Variants in SSPN observed in about 807,000 individuals in gnomAD.
SSPN encodes sarcospan, also known as K-ras oncogene-associated protein.
In SSPN, 15 loss-of-function variants were observed where a neutral mutation model predicts 19.1. That is an observed-to-expected ratio of 0.78 (90% CI 0.52 to 1.21). The LOEUF (loss-of-function observed/expected upper bound fraction) is 1.21. Ranked by LOEUF, SSPN falls within the 50% of genes most tolerant of loss-of-function variation. The pLI is 0.00. For missense variants in SSPN, 291 were observed against 314.0 expected, an observed-to-expected ratio of 0.93 and a Z score of 0.55; for synonymous variants, 147 against 140.3, an observed-to-expected ratio of 1.05 and a Z score of -0.34.
At position 26,195,723 on chromosome 12, in the gene SSPN, G is replaced by T; in HGVS notation, c.51G>T (p.Pro17=). 8.3e-7 allele frequency: 1 copy of T among 1,197,874 alleles called. No individual in the cohort carries two copies. Among genetic ancestry groups the T allele is most frequent in the Non-Finnish European group, 1.0e-6 (1 of 955,898 alleles). The allele number at this position is 1,197,874 out of a possible 1,614,324, so 74.2% of individuals were successfully genotyped here. Residue 17 remains proline (P), a synonymous_variant, in exon 1 of 3, where the codon CCG becomes CCT. Transcript: ENST00000242729. ...PRGQQRQGGP[P]AADAAGPDDM... Reference sequence around the variant, plus strand: ...GCCAGCAGAGGCAGGGGGGCCCGCCGGCCGCGGACGCCGCTGGGCCCGACG... The same window carrying T: ...GCCAGCAGAGGCAGGGGGGCCCGCCTGCCGCGGACGCCGCTGGGCCCGACG...
At chr12:26,149,104 G>A (rs894215551) in intron 1 of SSPN, among the ~76,000 whole-genome samples, 2 of 152,142 alleles carry the variant, frequency 1.3e-5, no homozygotes, top group Non-Finnish European at 2.9e-5. Flanking sequence ...CTGTAAATTG[G>A]TGAATACAGA....
At chr12:26,160,906 G>A (rs999371802) in intron 1 of SSPN, among the ~76,000 whole-genome samples, 10 of 151,918 alleles carry the variant, frequency 6.6e-5, no homozygotes, top group African/African-American at 2.2e-4. Flanking sequence ...TCAGGAGTTC[G>A]AGACCAGCCT....
Position 26,230,923 on chromosome 12 carries a change from G to C in SSPN, c.579G>C (p.Leu193=), listed in dbSNP as rs752293446. ...DCTSVTGTFK[L]FLLIQMILNL... Reference sequence around the variant, plus strand: ...CCAGCGTCACTGGCACTTTCAAACTGTTCTTACTCATCCAGATGATTCTTA... The same window carrying C: ...CCAGCGTCACTGGCACTTTCAAACTCTTCTTACTCATCCAGATGATTCTTA... Residue 193 remains leucine (L), a synonymous_variant, in exon 3 of 3, where the codon CTG becomes CTC. Transcript: ENST00000242729. The C allele has an allele frequency of 6.2e-6, 10 of 1,614,036 alleles. No individual in the cohort carries two copies. The highest frequency in any genetic ancestry group is 8.5e-6 in the Non-Finnish European group (10 of 1,180,042).
At chr12:26,223,859 G>A (rs529983082) in intron 1 of SSPN, among the ~76,000 whole-genome samples, 5 of 152,278 alleles carry the variant, frequency 3.3e-5, no homozygotes, top group East Asian at 3.9e-4. Flanking sequence ...TTTCAAATCC[G>A]TGTCGTAATG....
chr12:26,147,472 T>C (rs572286848), intron 1 of SSPN, among the ~76,000 whole-genome samples: 10 of 152,314 alleles, frequency 6.6e-5, no homozygotes, highest in Admixed American at 2.0e-4. Context: ...GGTTTTACCA[T>C]GTTGGCCAGG....
chr12:26,182,579 TTCCCCTTCCCTTCCCTTCCCTTCCC>T (rs1944725360), intron 1 of SSPN, among the ~76,000 whole-genome samples: 1 of 124,338 alleles, frequency 8.0e-6, no homozygotes, highest in Admixed American at 8.0e-5. Context: ...CCCCTTCCCC[TTCCCCTTCCCTTCCCTTCCCTTCCC>T]TTCCCTTCCC....
At chr12:26,202,209 TTTTTTATCCAAATG>T (rs1944892435) in intron 1 of SSPN, among the ~76,000 whole-genome samples, 1 of 152,188 alleles carries the variant, frequency 6.6e-6, no homozygotes, top group African/African-American at 2.4e-5. Context: ...CAACCATCCT[TTTTTTATCCAAATG>T]TTTTTGATCC....
At chr12:26,182,276 T>C (rs572694063) in intron 1 of SSPN, among the ~76,000 whole-genome samples, 1 of 152,202 alleles carries the variant, frequency 6.6e-6, no homozygotes, top group Non-Finnish European at 1.5e-5. Context: ...GGGGAGTGGA[T>C]AACAGAAGAT....
chr12:26,226,550 G>C (rs562769267), intron 2 of SSPN, among the ~76,000 whole-genome samples: 2 of 152,166 alleles, frequency 1.3e-5, no homozygotes, highest in South Asian at 4.2e-4. Flanking sequence ...TCGGGGATTG[G>C]GGGTAGGGTC....
At chr12:26,149,808 A>T (rs1944514190) in intron 1 of SSPN, among the ~76,000 whole-genome samples, 1 of 152,254 alleles carries the variant, frequency 6.6e-6, no homozygotes, top group Non-Finnish European at 1.5e-5. Context: ...ACATATGTAG[A>T]TTAGCACACA....
At chr12:26,208,599 TC>T (rs771371699) in intron 1 of SSPN, among the ~76,000 whole-genome samples, 5 of 152,186 alleles carry the variant, frequency 3.3e-5, no homozygotes, top group South Asian at 2.1e-4. Context: ...ATTTATCAGT[TC>T]TTTTTTTTAT....
chr12:26,200,403 C>T (rs1389186683), intron 1 of SSPN, among the ~76,000 whole-genome samples: 1 of 152,006 alleles, frequency 6.6e-6, no homozygotes, highest in Non-Finnish European at 1.5e-5. Flanking sequence ...TTTTAAAAAC[C>T]GATTTTAAGT....
intron 1 of SSPN, among the ~76,000 whole-genome samples, chr12:26,212,996 C>T (rs1945007247): frequency 1.3e-5 from 2 of 151,840 alleles, no homozygotes; most frequent in East Asian, 1.9e-4. Flanking sequence ...TTTATATTTG[C>T]GCCCCTATTA....
chr12:26,231,204 T>G lies in SSPN; in HGVS notation c.*128T>G. 1 of 1,272,888 alleles carries G rather than the reference T, an allele frequency of 7.9e-7. No individual in the cohort carries two copies. Among genetic ancestry groups the G allele is most frequent in the Non-Finnish European group, 1.0e-6 (1 of 965,908 alleles). The allele number at this position is 1,272,888 out of a possible 1,614,324, so 78.8% of individuals were successfully genotyped here. On this transcript the variant is annotated 3_prime_UTR_variant, in exon 3 of 3. Coordinates refer to ENST00000242729, the MANE Select transcript of SSPN (RefSeq NM_005086.5). Reference sequence around the variant, plus strand: ...AAGTCACTCTTCTAATTGAATATTTTTATATTTTTATGAAACAAAAGAGCA... The same window carrying G: ...AAGTCACTCTTCTAATTGAATATTTGTATATTTTTATGAAACAAAAGAGCA...
At chr12:26,169,523 G>A (rs1944641714) in intron 1 of SSPN, among the ~76,000 whole-genome samples, 1 of 151,988 alleles carries the variant, frequency 6.6e-6, no homozygotes, top group Non-Finnish European at 1.5e-5. Context: ...CTGAGAAAGA[G>A]TTTTCTAAAT....
intron 2 of SSPN, among the ~76,000 whole-genome samples, chr12:26,228,553 C>G (rs1390671841): frequency 6.6e-6 from 1 of 151,920 alleles, no homozygotes; most frequent in African/African-American, 2.4e-5. Context: ...ATCACTTTAA[C>G]CTGGGCCTTC....
chr12:26,216,712 A>G (rs1355686863), intron 1 of SSPN, among the ~76,000 whole-genome samples: 1 of 116,396 alleles, frequency 8.6e-6, no homozygotes, highest in East Asian at 2.4e-4. Flanking sequence ...TTTTAGGTCT[A>G]ACATTTAAGT....
chr12:26,221,441 T>C (rs555750160), intron 1 of SSPN, among the ~76,000 whole-genome samples: 4 of 152,230 alleles, frequency 2.6e-5, no homozygotes, highest in Non-Finnish European at 4.4e-5. Flanking sequence ...TGTTTTGCCA[T>C]CTCTCATTTC....
intron 2 of SSPN, among the ~76,000 whole-genome samples, chr12:26,228,343 G>A (rs1305991552): frequency 1.3e-5 from 2 of 149,288 alleles, no homozygotes; most frequent in East Asian, 3.9e-4. Context: ...AAGTTGCAGT[G>A]AGCTGAGATC....
Sources: allele counts gnomAD v4.1 joint callset (sites outside exome capture counted in the v4.1 genomes callset), GRCh38; gene constraint gnomAD v4.1.1; transcripts MANE v1.5; gene names NCBI Gene and HGNC (gene_info 2026-07-23, HGNC 2026-07-21).